Variants in FSTL4 observed in about 807,000 individuals in gnomAD.
The protein encoded by FSTL4 is follistatin like 4, also known as follistatin-related protein 4.
In FSTL4, 28 loss-of-function variants were observed where a neutral mutation model predicts 78.2. The observed-to-expected ratio is 0.36, with a 90% CI of 0.27 to 0.49. FSTL4 has a LOEUF of 0.49. Among genes scored for constraint, FSTL4 ranks in the 20% least tolerant of loss-of-function variants. The probability of loss-of-function intolerance (pLI) is 0.98; values close to 1 mark genes in which losing one functional copy is unlikely to be tolerated. For synonymous variants in FSTL4, 422 were observed against 440.5 expected (o/e 0.96, Z 0.53); for missense variants, 922 against 1,084.9 (o/e 0.85, Z 2.11).
intron 4 of FSTL4, among the ~76,000 whole-genome samples, chr5:133,325,930 G>T (rs1172375853): frequency 6.6e-6 from 1 of 152,198 alleles, no homozygotes. Context: ...CCCCAGCAAA[G>T]CTTCGATCTT....
rs1581549060 is a variant in FSTL4 at position 133,230,112 on chromosome 5, G to A, written c.1015+3305C>T. ...GAATGAGCTTGCCTCTGTATGGTGGGTGGTACACCGGCCCCTCAGTGAGGT... is the reference window on the plus strand; with the variant it reads ...GAATGAGCTTGCCTCTGTATGGTGGATGGTACACCGGCCCCTCAGTGAGGT... On this transcript the variant is annotated intron_variant, in intron 8 of 15. Transcript: ENST00000265342. Among the ~76,000 whole-genome samples the A allele has an allele frequency of 3.3e-5, 5 of 152,306 alleles. No individual in the cohort carries two copies. In the South Asian group the frequency reaches 1.0e-3, roughly 32 times the overall value.
chr5:133,242,885 G>A (rs147411153), intron 7 of FSTL4, among the ~76,000 whole-genome samples: 10 of 152,286 alleles, frequency 6.6e-5, no homozygotes, highest in South Asian at 2.1e-4. Flanking sequence ...ACTGTCTATC[G>A]TGGTGCAAAC....
At chr5:133,411,475 C>T (rs1337016551) in intron 3 of FSTL4, among the ~76,000 whole-genome samples, 1 of 152,048 alleles carries the variant, frequency 6.6e-6, no homozygotes, top group Non-Finnish European at 1.5e-5. Context: ...TTTAAGGAGA[C>T]AATGGTCACT....
the FSTL4 span, among the ~76,000 whole-genome samples, chr5:133,820,837 G>A: frequency 5.9e-5 from 9 of 152,078 alleles, no homozygotes; most frequent in Non-Finnish European, 1.0e-4. Flanking sequence ...CTCTCCCTGG[G>A]GACTTCTCAA....
intron 3 of FSTL4, among the ~76,000 whole-genome samples, chr5:133,485,561 T>A (rs1758116238): frequency 6.6e-6 from 1 of 152,190 alleles, no homozygotes; most frequent in Admixed American, 6.5e-5. Context: ...AAACCCACTT[T>A]AAGAGAGGTA....
chr5:133,536,110 A>G (rs1759346305), intron 3 of FSTL4, among the ~76,000 whole-genome samples: 1 of 152,216 alleles, frequency 6.6e-6, no homozygotes, highest in African/African-American at 2.4e-5. Context: ...ACATGACGGA[A>G]AGGCATGCAC....
At chr5:133,530,833 C>T (rs188204412) in intron 3 of FSTL4, among the ~76,000 whole-genome samples, 1 of 152,208 alleles carries the variant, frequency 6.6e-6, no homozygotes, top group Non-Finnish European at 1.5e-5. Context: ...AGTGCAGAGA[C>T]CTGGCAGGCT....
chr5:133,633,505 C>T, the FSTL4 span, among the ~76,000 whole-genome samples: 1 of 152,056 alleles, frequency 6.6e-6, no homozygotes, highest in Non-Finnish European at 1.5e-5. Flanking sequence ...GAGACTTTCT[C>T]TTTTTTTCAT....
chr5:133,564,308 C>T (rs1285661079), intron 3 of FSTL4, among the ~76,000 whole-genome samples: 1 of 152,142 alleles, frequency 6.6e-6, no homozygotes, highest in Admixed American at 6.5e-5. Context: ...GAACAAAATT[C>T]AACCCATAAT....
the FSTL4 span, among the ~76,000 whole-genome samples, chr5:133,631,956 C>T: frequency 6.6e-6 from 1 of 151,948 alleles, no homozygotes; most frequent in African/African-American, 2.4e-5. Context: ...AATGAGAACA[C>T]ATGGACACAG....
At chr5:133,739,181 T>G in the FSTL4 span, among the ~76,000 whole-genome samples, 1 of 152,016 alleles carries the variant, frequency 6.6e-6, no homozygotes. Flanking sequence ...TACACAGAAA[T>G]ACTCTAACCC....
chr5:133,315,337 A>T (rs769887429), intron 5 of FSTL4, among the ~76,000 whole-genome samples: 1 of 152,202 alleles, frequency 6.6e-6, no homozygotes, highest in Non-Finnish European at 1.5e-5. Context: ...GACCTTAGGC[A>T]GTTTGACTCT....
the FSTL4 span, among the ~76,000 whole-genome samples, chr5:133,711,833 A>AACC: frequency 2.0e-5 from 3 of 152,190 alleles, no homozygotes; most frequent in African/African-American, 7.2e-5. Flanking sequence ...CTGGGTGAAG[A>AACC]ACCCTTGGGC....
chr5:133,478,786 C>A (rs1580734810), intron 3 of FSTL4, among the ~76,000 whole-genome samples: 1 of 151,990 alleles, frequency 6.6e-6, no homozygotes, highest in African/African-American at 2.4e-5. Context: ...GCTATTGAGG[C>A]CTCTGCGATG....
chr5:133,393,330 T>C (rs1755904453), intron 4 of FSTL4, among the ~76,000 whole-genome samples: 1 of 152,206 alleles, frequency 6.6e-6, no homozygotes, highest in Non-Finnish European at 1.5e-5. Flanking sequence ...GTGTGGCGTT[T>C]CTTTTGGCTA....
chr5:133,269,631 A>G (rs1268011849), intron 6 of FSTL4, among the ~76,000 whole-genome samples: 2 of 152,180 alleles, frequency 1.3e-5, no homozygotes, highest in Non-Finnish European at 2.9e-5. Context: ...AATCAGCCCA[A>G]TGCTCTGGCC....
At chr5:133,830,024 G>A in the FSTL4 span, among the ~76,000 whole-genome samples, 20 of 152,320 alleles carry the variant, frequency 1.3e-4, no homozygotes, top group African/African-American at 4.8e-4. Context: ...ATGAGGATGA[G>A]GGGTGGGCCC....
Position 133,249,547 on chromosome 5 carries a change from C to T in FSTL4, c.757G>A (p.Asp253Asn). 1 of 1,613,224 alleles carries T rather than the reference C, an allele frequency of 6.2e-7. No homozygotes were observed. The highest frequency in any genetic ancestry group is 1.1e-5 in the South Asian group (1 of 91,062). The change falls in exon 7 of 16, where the codon GAC (aspartate) becomes AAC (asparagine). Residue 253 changes from aspartate (D) to asparagine (N), a missense_variant. Coordinates refer to ENST00000265342, the MANE Select transcript of FSTL4 (RefSeq NM_015082.2). Reference protein sequence around the residue: ...QVVQLSLAPEDRVSVTTVTVG... With the variant: ...QVVQLSLAPENRVSVTTVTVG... ...GTCACTGTGGTCACACTGACCCTGT[C>T]CTCGGGGGCGAGGCTGAGCTGAACC... is the stretch of plus-strand genomic sequence containing the variant.
the FSTL4 span, among the ~76,000 whole-genome samples, chr5:133,780,215 G>A: frequency 1.3e-5 from 2 of 152,240 alleles, no homozygotes; most frequent in East Asian, 1.9e-4. Flanking sequence ...CCAAAGAGCC[G>A]CAGATGTGGG....
Sources: gnomAD v4.1 joint callset for allele counts (sites outside exome capture counted in the v4.1 genomes callset) on GRCh38, gnomAD v4.1.1 for gene constraint, MANE v1.5 for transcripts, NCBI Gene and HGNC (gene_info 2026-07-23, HGNC 2026-07-21) for gene names.